Variants in CBLC observed in about 807,000 individuals in gnomAD.
CBLC encodes Cbl proto-oncogene C.
In CBLC, 46 loss-of-function variants were observed where a neutral mutation model predicts 58.6. The ratio of observed to expected loss-of-function variants is 0.79; its 90% CI spans 0.62 to 1.00. The LOEUF (loss-of-function observed/expected upper bound fraction) is 1.00. Among genes scored for constraint, CBLC ranks in the 50% least tolerant of loss-of-function variants. The pLI is 0.00. For missense variants in CBLC, 655 were observed against 625.8 expected (o/e 1.05, Z -0.50); for synonymous variants, 271 against 264.2 (o/e 1.03, Z -0.25).
chr19:44,791,314 A>AC (rs1968041944), intron 6 of CBLC, among the ~76,000 whole-genome samples: 1 of 151,750 alleles, frequency 6.6e-6, no homozygotes, highest in African/African-American at 2.4e-5. Context: ...CCGCAAAAAA[A>AC]AAAAAAAAGA....
intron 9 of CBLC, among the ~76,000 whole-genome samples, chr19:44,799,382 G>T (rs942916670): frequency 6.6e-6 from 1 of 152,170 alleles, no homozygotes; most frequent in Non-Finnish European, 1.5e-5. Context: ...GCCCAGGCTG[G>T]AGTGCAGTGG....
intron 8 of CBLC, 44 bp from the exon 9 acceptor site, chr19:44,794,160 A>T: frequency 6.3e-7 from 1 of 1,577,936 alleles, no homozygotes. Context: ...CGAGAAGAAA[A>T]TGGCAGCTCA....
chr19:44,795,933 C>T (rs940799727), intron 9 of CBLC, among the ~76,000 whole-genome samples: 5 of 152,106 alleles, frequency 3.3e-5, no homozygotes, highest in African/African-American at 7.2e-5. Context: ...GTTCCTCTCC[C>T]GGCTGGGCGC....
intron 5 of CBLC, 52 bp downstream of exon 5, chr19:44,784,453 G>A (rs746709190): frequency 3.3e-6 from 5 of 1,514,314 alleles, no homozygotes; most frequent in Non-Finnish European, 4.5e-6. Context: ...TGGTTGGAAA[G>A]ATCTTGCATG....
chr19:44,780,953 G>A lies in CBLC; in HGVS notation c.402G>A (p.Glu134=), dbSNP rs750151047. The part of the protein sequence containing the change: ...LAIIFSHMHA[E]LHALFPGGKY... ...TCATCTTCAGCCACATGCACGCAGAGCTGCACGCACTCTTCCCCGGGGGAA... is the reference window on the plus strand; with the variant it reads ...TCATCTTCAGCCACATGCACGCAGAACTGCACGCACTCTTCCCCGGGGGAA... The change falls in exon 2 of 11, where the codon GAG becomes GAA. Residue 134 remains glutamate, a synonymous_variant. Transcript: ENST00000647358. 49 of 1,613,350 alleles carry A rather than the reference G, an allele frequency of 3.0e-5. No individual in the cohort carries two copies. Among genetic ancestry groups the A allele is most frequent in the Non-Finnish European group, 4.1e-5 (48 of 1,180,014 alleles).
rs368920997 is a variant in CBLC, at chr19:44,784,476, G to A, written c.917+75G>A. 3.9e-4 allele frequency: 550 copies of A among 1,411,646 alleles called. 4 individuals carry two copies. The highest frequency in any genetic ancestry group is 3.3e-3 in the African/African-American group (238 of 71,696). The allele number at this position is 1,411,646 out of a possible 1,614,324, so 87.4% of individuals were successfully genotyped here. A position where few individuals can be genotyped will look rare whatever the true frequency, so the allele number is the denominator to read the frequency against. On this transcript the variant is annotated intron_variant, in intron 5 of 10. Coordinates refer to ENST00000647358, the MANE Select transcript of CBLC (RefSeq NM_012116.4). The stretch of plus-strand genomic sequence containing the variant: ...AAGATCTTGCATGTTGTGCACTGCC[G>A]GTGGCCACCACGTTTGAGGGTGCAA...
Position 44,781,298 on chromosome 19 carries a change from A to G in CBLC, c.592A>G (p.Ile198Val). 6.2e-7 allele frequency: 1 copy of G among 1,613,538 alleles called. No individual in the cohort carries two copies. ...CACAGCCCTGGCCTTGCGCACCACC[A>G]TTGACCTCACCTGCAGCGGGCACGT... ...GCTALALRTT[I>V]DLTCSGHVSI... The change falls in exon 3 of 11, where the codon ATT becomes GTT. Residue 198 changes from isoleucine (I) to valine (V), a missense_variant. By Grantham distance (29) the Ile-to-Val change is conservative. This residue lies in a region of CBLC where 371 missense variants were observed against 370.8 expected (regional missense o/e 1.00). Coordinates refer to ENST00000647358, the MANE Select transcript of CBLC (RefSeq NM_012116.4).
chr19:44,790,520 C>T (rs1372591549), intron 6 of CBLC, among the ~76,000 whole-genome samples: 1 of 152,078 alleles, frequency 6.6e-6, no homozygotes, highest in African/African-American at 2.4e-5. Flanking sequence ...ACTGCAGCCT[C>T]GACCTCTGGG....
At chr19:44,778,371 G>GC in intron 1 of CBLC, 87 bp downstream of exon 1, 4 of 1,264,576 alleles carry the variant, frequency 3.2e-6, no homozygotes, top group Non-Finnish European at 4.0e-6. Context: ...AGGAACTTAG[G>GC]CCCCCACCCC....
intron 9 of CBLC, among the ~76,000 whole-genome samples, chr19:44,795,374 C>G (rs1424165183): frequency 6.6e-6 from 1 of 151,638 alleles, no homozygotes; most frequent in Non-Finnish European, 1.5e-5. Flanking sequence ...AAAATTAGCC[C>G]AAAGTGGTGG....
At chr19:44,785,841 G>A (rs28756246) in intron 5 of CBLC, among the ~76,000 whole-genome samples, 3,141 of 152,050 alleles carry the variant, frequency 0.021, 96 homozygotes, top group African/African-American at 0.07. Flanking sequence ...CAGAGGCAGA[G>A]GCAGAATTGC....
chr19:44,783,583 A>C (rs1967806322), intron 4 of CBLC, among the ~76,000 whole-genome samples: 1 of 151,942 alleles, frequency 6.6e-6, no homozygotes, highest in Non-Finnish European at 1.5e-5. Context: ...TGGGAGGTTG[A>C]GGCACAAGAA....
chr19:44,794,987 T>G (rs1243778249), intron 9 of CBLC, among the ~76,000 whole-genome samples: 1 of 149,032 alleles, frequency 6.7e-6, no homozygotes, highest in Non-Finnish European at 1.5e-5. Flanking sequence ...GAGAGGAGTC[T>G]CACTCTGTAG....
chr19:44,783,038 T>C (rs1967791454), intron 4 of CBLC, among the ~76,000 whole-genome samples: 1 of 152,052 alleles, frequency 6.6e-6, no homozygotes, highest in Non-Finnish European at 1.5e-5. Context: ...TTCAAACTTA[T>C]TTAAGGGAAA....
intron 9 of CBLC, among the ~76,000 whole-genome samples, chr19:44,796,730 C>T (rs959185345): frequency 3.3e-5 from 5 of 152,128 alleles, no homozygotes; most frequent in African/African-American, 7.2e-5. Context: ...TTTCTCCCTA[C>T]GCTGCCACCC....
intron 1 of CBLC, 108 bp from the exon 2 acceptor site, chr19:44,780,797 T>G: frequency 8.5e-7 from 1 of 1,178,524 alleles, no homozygotes; most frequent in Non-Finnish European, 1.2e-6. Context: ...CCTTACACTG[T>G]TGAGATAGAG....
rs953975785 is a variant in CBLC at position 44,782,383 on chromosome 19, T to A, written c.671T>A (p.Leu224His). The A allele has an allele frequency of 1.2e-6, 2 of 1,613,232 alleles. No individual in the cohort carries two copies. Among genetic ancestry groups the A allele is most frequent in the Non-Finnish European group, 1.7e-6 (2 of 1,179,556 alleles). Reference sequence around the variant, plus strand: ...GCCCCACCCCAGCCATGGCCAACACTCCTCAAGAACTGGCAGCTCCTGGCA... The same window carrying A: ...GCCCCACCCCAGCCATGGCCAACACACCTCAAGAACTGGCAGCTCCTGGCA... The part of the protein sequence containing the change: ...FTRLFQPWPT[L>H]LKNWQLLAVN... The change falls in exon 4 of 11, where the codon CTC (leucine) becomes CAC (histidine). Residue 224 changes from leucine (L) to histidine (H), a missense_variant. This residue lies in a region of CBLC where 371 missense variants were observed against 370.8 expected (regional missense o/e 1.00). Coordinates refer to ENST00000647358, the MANE Select transcript of CBLC (RefSeq NM_012116.4).
At chr19:44,798,738 A>AAAAG (rs879476526) in intron 9 of CBLC, among the ~76,000 whole-genome samples, 20 of 151,880 alleles carry the variant, frequency 1.3e-4, no homozygotes, top group South Asian at 6.2e-4. Context: ...CTCCGTCTCA[A>AAAAG]AAAGAAAGAA....
intron 4 of CBLC, among the ~76,000 whole-genome samples, chr19:44,783,327 T>C (rs573670820): frequency 6.6e-6 from 1 of 152,152 alleles, no homozygotes; most frequent in Admixed American, 6.6e-5. Context: ...GCCAACATAG[T>C]GAAACCCCAT....
Sources: allele counts gnomAD v4.1 joint callset (sites outside exome capture counted in the v4.1 genomes callset), GRCh38; gene constraint gnomAD v4.1.1; regional missense constraint gnomAD v4.1.1; transcripts MANE v1.5; gene names NCBI Gene and HGNC (gene_info 2026-07-23, HGNC 2026-07-21).